Variants in CDH4 observed in about 807,000 individuals in gnomAD.
CDH4 encodes cadherin-4.
CDH4 carries 33 observed loss-of-function variants against 86.0 expected under a neutral mutation model. The ratio of observed to expected loss-of-function variants is 0.38; its 90% CI spans 0.29 to 0.51. The LOEUF (loss-of-function observed/expected upper bound fraction) is 0.51, where lower values mean the gene tolerates loss of function less well. Ranked by LOEUF, CDH4 falls within the 20% of genes least tolerant of loss-of-function variation. CDH4 has a pLI of 0.86. For synonymous variants in CDH4, 555 were observed against 549.4 expected, an observed-to-expected ratio of 1.01 and a Z score of -0.14; for missense variants, 1,114 against 1,307.4, an observed-to-expected ratio of 0.85 and a Z score of 2.28.
chr20:61,935,880 C>CATT (rs2055177136), intron 15 of CDH4, among the ~76,000 whole-genome samples: 1 of 152,140 alleles, frequency 6.6e-6, no homozygotes, highest in Admixed American at 6.6e-5. Context: ...AGCAAAACTC[C>CATT]ATTTCAGAAA....
intron 2 of CDH4, among the ~76,000 whole-genome samples, chr20:61,558,440 T>C (rs1396875346): frequency 6.6e-6 from 1 of 152,118 alleles, no homozygotes; most frequent in Non-Finnish European, 1.5e-5. Flanking sequence ...TGTAAATCCT[T>C]TATCTTATTT....
At chr20:61,539,319 C>T (rs918910192) in intron 2 of CDH4, among the ~76,000 whole-genome samples, 10 of 152,202 alleles carry the variant, frequency 6.6e-5, no homozygotes, top group African/African-American at 1.7e-4. Flanking sequence ...AACCAAGCAC[C>T]ACTCCTTGGG....
chr20:61,596,932 G>A (rs2086561221), intron 2 of CDH4, among the ~76,000 whole-genome samples: 1 of 152,152 alleles, frequency 6.6e-6, no homozygotes, highest in Non-Finnish European at 1.5e-5. Flanking sequence ...ACTCACAGAA[G>A]CAAATAATCA....
At chr20:61,382,518 A>C (rs568580698) in intron 2 of CDH4, among the ~76,000 whole-genome samples, 1 of 152,308 alleles carries the variant, frequency 6.6e-6, no homozygotes, top group Admixed American at 6.5e-5. Flanking sequence ...GACACCTTCT[A>C]TTGGCTTCCC....
chr20:61,901,477 A>G (rs1568876615), intron 8 of CDH4, among the ~76,000 whole-genome samples: 1 of 152,270 alleles, frequency 6.6e-6, no homozygotes, highest in Non-Finnish European at 1.5e-5. Context: ...CTGTGTCCCC[A>G]GGTGGCTCCC....
At position 61,534,043 on chromosome 20, in the gene CDH4, C is replaced by T. The variant is rs372408131; in HGVS notation, c.170-209520C>T. Among the ~76,000 whole-genome samples, 68 of 152,290 alleles carry T rather than the reference C, an allele frequency of 4.5e-4. No homozygotes were observed. The East Asian group carries it at 7.7e-3, about 17-fold the overall frequency. ...AACAGATTTGTTCCATTAACATATT[C>T]GGCAATAGGCAGGCATGAGATAGCA... On this transcript the variant is annotated intron_variant, in intron 2 of 15. Coordinates refer to ENST00000614565, the MANE Select transcript of CDH4 (RefSeq NM_001794.5).
At chr20:61,818,241 G>A (rs1237143568) in intron 4 of CDH4, among the ~76,000 whole-genome samples, 3 of 152,182 alleles carry the variant, frequency 2.0e-5, no homozygotes, top group African/African-American at 7.2e-5. Context: ...AGACAGTGAG[G>A]AGGGCTTGGC....
At chr20:61,744,373 GGA>G (rs141370822) in intron 3 of CDH4, among the ~76,000 whole-genome samples, 10 of 148,576 alleles carry the variant, frequency 6.7e-5, no homozygotes, top group South Asian at 2.2e-4. Flanking sequence ...AGGAAGAGAG[GGA>G]GAGAGAGAAG....
intron 2 of CDH4, chr20:61,570,640 T>A: frequency 1.4e-6 from 1 of 702,296 alleles, no homozygotes; most frequent in Non-Finnish European, 2.6e-6. Flanking sequence ...GACAATTTTG[T>A]TTTTCACAAT....
intron 2 of CDH4, chr20:61,436,926 A>C (rs896791813): frequency 6.6e-6 from 1 of 152,516 alleles, no homozygotes; most frequent in Non-Finnish European, 1.5e-5. Context: ...CCCAAGGACA[A>C]AGGCCTCTTG....
intron 2 of CDH4, among the ~76,000 whole-genome samples, chr20:61,690,145 G>A: frequency 6.8e-6 from 1 of 148,058 alleles, no homozygotes; most frequent in South Asian, 2.2e-4. Context: ...ACTGGTTGGT[G>A]AGGTGATGTG....
In CDH4 at chr20:61,921,954, T is replaced by G. The variant is rs569425342; in HGVS notation, c.1375-1497T>G. ...ACAAATCATATTTTTCTCTCTCTTT[T>G]GCACAAAAGGTGCACACTATGTGGG... On this transcript the variant is annotated intron_variant, in intron 9 of 15. Coordinates refer to ENST00000614565, the MANE Select transcript of CDH4 (RefSeq NM_001794.5). Among the ~76,000 whole-genome samples the G allele has an allele frequency of 4.6e-5, 7 of 152,332 alleles. No homozygotes were observed. The South Asian group carries it at 1.4e-3, about 32-fold the overall frequency.
chr20:61,762,725 C>T (rs1384182386), intron 3 of CDH4, among the ~76,000 whole-genome samples: 1 of 152,234 alleles, frequency 6.6e-6, no homozygotes, highest in Non-Finnish European at 1.5e-5. Flanking sequence ...TCTGCAGCTA[C>T]AGAAGCCTTG....
intron 3 of CDH4, among the ~76,000 whole-genome samples, chr20:61,748,137 C>T (rs1033783403): frequency 1.4e-5 from 2 of 148,092 alleles, no homozygotes; most frequent in Non-Finnish European, 2.9e-5. Flanking sequence ...TGAATGATTT[C>T]TTTTCTTTTT....
intron 2 of CDH4, among the ~76,000 whole-genome samples, chr20:61,580,306 T>C (rs2086415802): frequency 6.6e-6 from 1 of 151,900 alleles, no homozygotes. Flanking sequence ...AATACAAAAA[T>C]TAGCCAGGCG....
rs181341420 is a variant in CDH4 at position 61,888,899 on chromosome 20, C to T, written c.1051-6011C>T. Among the ~76,000 whole-genome samples, 21 of 152,324 alleles carry T rather than the reference C, an allele frequency of 1.4e-4. No individual in the cohort carries two copies. The East Asian group carries it at 1.5e-3, about 11-fold the overall frequency. ...CCTCACTGGACTCAGTCTTCCCCTC[C>T]GTAAATGGTAAAGAAATATGAGCTC... On this transcript the variant is annotated intron_variant, in intron 7 of 15. Coordinates refer to ENST00000614565, the MANE Select transcript of CDH4 (RefSeq NM_001794.5).
chr20:61,771,440 A>G (rs930234883), intron 3 of CDH4, among the ~76,000 whole-genome samples: 2 of 152,010 alleles, frequency 1.3e-5, no homozygotes, highest in African/African-American at 2.4e-5. Context: ...CCTGGCCAAC[A>G]TGGCAAAACC....
intron 7 of CDH4, among the ~76,000 whole-genome samples, chr20:61,878,049 G>A (rs1984118150): frequency 1.3e-5 from 2 of 152,098 alleles, no homozygotes; most frequent in South Asian, 4.1e-4. Flanking sequence ...TCATCCCAGA[G>A]AGGACAACAG....
chr20:61,480,402 G>T lies in CDH4; in HGVS notation c.169+225465G>T, dbSNP rs1398705414. On this transcript the variant is annotated intron_variant, in intron 2 of 15. Transcript: ENST00000614565. This position sits in a 1 kb window ranked among gnomAD's most constrained non-coding sequence, Gnocchi z 5.2. Reference sequence around the variant, plus strand: ...TCCCGTTGTTCCAAGGTGGGTGGTGGATACACAGTCCCTGCCACGCCATCT... The same window carrying T: ...TCCCGTTGTTCCAAGGTGGGTGGTGTATACACAGTCCCTGCCACGCCATCT... Among the ~76,000 whole-genome samples, 4 of 152,192 alleles carry T rather than the reference G, an allele frequency of 2.6e-5. No homozygotes were observed. Among genetic ancestry groups the T allele is most frequent in the Non-Finnish European group, 5.9e-5 (4 of 68,032 alleles).
Sources: allele counts gnomAD v4.1 joint callset (sites outside exome capture counted in the v4.1 genomes callset), GRCh38; gene constraint gnomAD v4.1.1; non-coding constraint Gnocchi (gnomAD v3.1); transcripts MANE v1.5; gene names NCBI Gene and HGNC (gene_info 2026-07-23, HGNC 2026-07-21).